Variants in MAU2 observed in about 807,000 individuals in gnomAD.
The protein encoded by MAU2 is MAU2 sister chromatid cohesion factor.
MAU2 carries 9 observed loss-of-function variants against 89.1 expected under a neutral mutation model. That is an observed-to-expected ratio of 0.10 (90% confidence interval 0.06 to 0.18). MAU2 has a LOEUF of 0.18. Ranked by LOEUF, MAU2 falls within the 10% of genes least tolerant of loss-of-function variation. The probability of loss-of-function intolerance (pLI) is 1.00; values close to 1 mark genes in which losing one functional copy is unlikely to be tolerated. For missense variants in MAU2, 425 were observed against 803.5 expected, an observed-to-expected ratio of 0.53 and a Z score of 5.69; for synonymous variants, 357 against 343.4, an observed-to-expected ratio of 1.04 and a Z score of -0.44.
rs1173025975 is a variant in MAU2 at position 19,324,329 on chromosome 19, C to T, written c.276+3194C>T. On this transcript the variant is annotated intron_variant, in intron 1 of 18. Coordinates refer to ENST00000262815, the MANE Select transcript of MAU2 (RefSeq NM_015329.4). ...TGATGGCAAGGAGTGCCTAAGCTGTCGGGGACTGGCAGATGGTATCAGGGT... is the reference window on the plus strand; with the variant it reads ...TGATGGCAAGGAGTGCCTAAGCTGTTGGGGACTGGCAGATGGTATCAGGGT... Among the ~76,000 whole-genome samples the T allele has an allele frequency of 5.9e-5, 9 of 152,162 alleles. No homozygotes were observed. In the East Asian group the frequency reaches 7.7e-4, roughly 13 times the overall value.
chr19:19,347,628 TCA>T lies in MAU2; in HGVS notation c.1308+267_1308+268del, dbSNP rs903080612. The T allele has an allele frequency of 6.4e-4, 259 of 406,490 alleles. 2 individuals are homozygous for T. Among genetic ancestry groups the T allele is most frequent in the Non-Finnish European group, 1.4e-4 (30 of 222,140 alleles). The allele number at this position is 406,490 out of a possible 1,614,324, so 25.2% of individuals were successfully genotyped here. On this transcript the variant is annotated intron_variant, in intron 13 of 18. Coordinates refer to ENST00000262815, the MANE Select transcript of MAU2 (RefSeq NM_015329.4). ...TCACAAACAAACCAAGCTGTATGAA[TCA>T]CACAGACAAGGTCTTATAGCCCAAG... is the stretch of plus-strand genomic sequence containing the variant.
At chr19:19,321,390 C>G (rs566875140) in intron 1 of MAU2, 1 of 456,522 alleles carries the variant, frequency 2.2e-6, no homozygotes, top group South Asian at 3.6e-5. Flanking sequence ...TCACCGTACT[C>G]TGAAAGTTGC....
chr19:19,334,087 A>T, intron 1 of MAU2: 1 of 828,612 alleles, frequency 1.2e-6, no homozygotes, highest in Non-Finnish European at 1.5e-6. Context: ...CCGGCTTCTC[A>T]GTGGGATGCA....
At chr19:19,347,679 A>G in intron 13 of MAU2, 1 of 239,862 alleles carries the variant, frequency 4.2e-6, no homozygotes, top group Non-Finnish European at 8.2e-6. Context: ...GATGTCGGCC[A>G]GGCATTGAGG....
intron 2 of MAU2, 82 bp downstream of exon 2, chr19:19,335,817 C>A: frequency 6.7e-7 from 1 of 1,490,502 alleles, no homozygotes; most frequent in Non-Finnish European, 9.4e-7. Flanking sequence ...TGAATCCCAC[C>A]TCCCGACATG....
rs1340044399 is a variant in MAU2 at position 19,338,881 on chromosome 19, T to A, written c.493T>A (p.Cys165Ser). Reference sequence around the variant, plus strand: ...GCTTGAGAAGGACCTGGTGTCGGCCTGTGACCTCCTGGGTGTAGGGGCCGA... The same window carrying A: ...GCTTGAGAAGGACCTGGTGTCGGCCAGTGACCTCCTGGGTGTAGGGGCCGA... ...HTLEKDLVSA[C>S]DLLGVGAEYA... The change falls in exon 5 of 19, where the codon TGT (cysteine) becomes AGT (serine). Residue 165 changes from cysteine (C) to serine (S), a missense_variant. By Grantham distance (112) the Cys-to-Ser change is moderately radical. Around this residue, in one of 11 missense-constraint regions of MAU2, gnomAD observed 119 missense variants for 299.8 expected, o/e 0.40. Transcript: ENST00000262815. The A allele has an allele frequency of 1.2e-6, 2 of 1,613,638 alleles. No individual in the cohort carries two copies. The highest frequency in any genetic ancestry group is 8.5e-7 in the Non-Finnish European group (1 of 1,179,914).
intron 1 of MAU2, among the ~76,000 whole-genome samples, chr19:19,326,461 C>T (rs1014176731): frequency 7.9e-5 from 12 of 151,242 alleles, no homozygotes; most frequent in Admixed American, 4.0e-4. Flanking sequence ...CCAAGGTGGG[C>T]GGATCACGAG....
At chr19:19,334,966 C>G (rs1008696642) in intron 1 of MAU2, among the ~76,000 whole-genome samples, 2 of 152,310 alleles carry the variant, frequency 1.3e-5, no homozygotes. Flanking sequence ...GTGGCACATG[C>G]GAGTCGCTGG....
At chr19:19,326,728 A>G (rs1295318485) in intron 1 of MAU2, among the ~76,000 whole-genome samples, 3 of 134,874 alleles carry the variant, frequency 2.2e-5, no homozygotes, top group Non-Finnish European at 3.2e-5. Flanking sequence ...ATACATATAT[A>G]TATATATACA....
chr19:19,339,188 G>A (rs947158906), intron 5 of MAU2, among the ~76,000 whole-genome samples: 1 of 152,086 alleles, frequency 6.6e-6, no homozygotes, highest in African/African-American at 2.4e-5. Flanking sequence ...AGTGGCTTAC[G>A]CCTGTAATCC....
chr19:19,349,975 ATTTT>A (rs34536394), intron 16 of MAU2, among the ~76,000 whole-genome samples: 3 of 111,258 alleles, frequency 2.7e-5, no homozygotes, highest in Admixed American at 9.6e-5. Context: ...GAGGTCTTGA[ATTTT>A]TTTTTTTTTT....
At chr19:19,336,259 A>G in intron 3 of MAU2, 72 bp downstream of exon 3, 1 of 1,188,684 alleles carries the variant, frequency 8.4e-7, no homozygotes, top group Non-Finnish European at 1.2e-6. Flanking sequence ...CACATTGGTA[A>G]ATTGGGGTTC....
At chr19:19,340,501 T>C (rs1007322118) in intron 5 of MAU2, among the ~76,000 whole-genome samples, 33 of 151,120 alleles carry the variant, frequency 2.2e-4, no homozygotes, top group African/African-American at 7.8e-4. Flanking sequence ...TAGCCGGGCG[T>C]GGTGGCGGGC....
chr19:19,329,531 GGCCC>G (rs1441821038), intron 1 of MAU2, among the ~76,000 whole-genome samples: 2 of 152,176 alleles, frequency 1.3e-5, no homozygotes, highest in Non-Finnish European at 2.9e-5. Context: ...AACAGGGTAA[GGCCC>G]ACCTCAGACT....
intron 9 of MAU2, among the ~76,000 whole-genome samples, chr19:19,343,409 G>A (rs1438220688): frequency 6.6e-6 from 1 of 152,222 alleles, no homozygotes; most frequent in Non-Finnish European, 1.5e-5. Context: ...TAGGCCCTGT[G>A]CTTCTCTTAT....
intron 1 of MAU2, among the ~76,000 whole-genome samples, chr19:19,328,791 T>G (rs960686927): frequency 6.6e-6 from 1 of 152,212 alleles, no homozygotes; most frequent in African/African-American, 2.4e-5. Context: ...ACCATCATTC[T>G]TAGGTTTTCC....
intron 1 of MAU2, among the ~76,000 whole-genome samples, chr19:19,331,622 C>T (rs2061556184): frequency 6.6e-6 from 1 of 151,972 alleles, no homozygotes; most frequent in African/African-American, 2.4e-5. Flanking sequence ...ATACAGAGGG[C>T]TGGGTGAGGT....
chr19:19,345,086 G>A lies in MAU2; in HGVS notation c.1155+160G>A, dbSNP rs1207902163. On this transcript the variant is annotated intron_variant, in intron 11 of 18. Coordinates refer to ENST00000262815, the MANE Select transcript of MAU2 (RefSeq NM_015329.4). This position sits in a 1 kb window ranked among gnomAD's most constrained non-coding sequence, Gnocchi z 4.9. ...GTAATCATATAACCTTCCCAGGCAC[G>A]ATCCGGAATGCTCCCAGTGAGCATC... 7 of 754,800 alleles carry A rather than the reference G, an allele frequency of 9.3e-6. No individual in the cohort carries two copies. The highest frequency in any genetic ancestry group is 4.4e-5 in the Admixed American group (2 of 45,434). The allele number at this position is 754,800 out of a possible 1,614,324, so 46.8% of individuals were successfully genotyped here. A position where few individuals can be genotyped will look rare whatever the true frequency, so the allele number is the denominator to read the frequency against.
Position 19,342,784 on chromosome 19 carries a change from G to A in MAU2, c.891G>A (p.Val297=). The part of the protein sequence containing the change: ...HMCVLVYLVT[V]MHSMQAGYLE... Reference sequence around the variant, plus strand: ...TCTGGTCTTGTCGCTAGGTGACTGTGATGCACTCCATGCAGGCCGGCTACC... The same window carrying A: ...TCTGGTCTTGTCGCTAGGTGACTGTAATGCACTCCATGCAGGCCGGCTACC... The change falls in exon 9 of 19, where the codon GTG becomes GTA. Residue 297 remains valine (V), a synonymous_variant. Transcript: ENST00000262815. The A allele has an allele frequency of 6.2e-7, 1 of 1,614,088 alleles. No individual in the cohort carries two copies. The highest frequency in any genetic ancestry group is 1.1e-5 in the South Asian group (1 of 91,084).
Sources: allele counts gnomAD v4.1 joint callset (sites outside exome capture counted in the v4.1 genomes callset), GRCh38; gene constraint gnomAD v4.1.1; regional missense constraint gnomAD v4.1.1; non-coding constraint Gnocchi (gnomAD v3.1); transcripts MANE v1.5; gene names NCBI Gene and HGNC (gene_info 2026-07-23, HGNC 2026-07-21).